RAPGEF4: variants seen among roughly 807,000 people sequenced by gnomAD.
RAPGEF4 encodes the protein RAP guanine-nucleotide-exchange factor (GEF) 4.
RAPGEF4 carries 66 observed loss-of-function variants against 147.9 expected under a neutral mutation model. The observed-to-expected ratio is 0.45, with a 90% CI of 0.37 to 0.55. The LOEUF (loss-of-function observed/expected upper bound fraction) is 0.55. Ranked by LOEUF, RAPGEF4 falls within the 20% of genes least tolerant of loss-of-function variation. The probability of loss-of-function intolerance (pLI) is 0.00; values close to 1 mark genes in which losing one functional copy is unlikely to be tolerated. For synonymous variants in RAPGEF4, 419 were observed against 442.7 expected (o/e 0.95, Z 0.67); for missense variants, 1,071 against 1,257.3 (o/e 0.85, Z 2.24).
At chr2:172,864,533 T>C (rs912128706) in intron 4 of RAPGEF4, among the ~76,000 whole-genome samples, 1 of 152,192 alleles carries the variant, frequency 6.6e-6, no homozygotes, top group Non-Finnish European at 1.5e-5. Context: ...TCCTTCCCTG[T>C]TCAGTTTGGA....
chr2:172,963,399 G>A (rs774529671), intron 8 of RAPGEF4, among the ~76,000 whole-genome samples: 1 of 152,180 alleles, frequency 6.6e-6, no homozygotes, highest in Non-Finnish European at 1.5e-5. Flanking sequence ...ATCTCATATG[G>A]TTAAAGGAAC....
intron 6 of RAPGEF4, among the ~76,000 whole-genome samples, chr2:172,925,799 A>AGAGAGAGAGAGAG (rs1559124625): frequency 4.6e-5 from 6 of 131,858 alleles, no homozygotes; most frequent in Non-Finnish European, 1.7e-5. Context: ...GAGAGAGAGA[A>AGAGAGAGAGAGAG]AGAAAGAAAG....
chr2:172,879,629 C>T (rs538808358), intron 4 of RAPGEF4, among the ~76,000 whole-genome samples: 32 of 152,106 alleles, frequency 2.1e-4, no homozygotes, highest in African/African-American at 7.2e-4. Context: ...GGCAAGACCC[C>T]GTCTCTACAA....
intron 4 of RAPGEF4, among the ~76,000 whole-genome samples, chr2:172,817,905 A>T (rs1418171470): frequency 8.4e-6 from 1 of 118,824 alleles, no homozygotes; most frequent in Non-Finnish European, 1.9e-5. Flanking sequence ...TATCACAATT[A>T]TATATATATA....
In RAPGEF4 at chr2:172,742,810, G is replaced by A. The variant is rs549355688; in HGVS notation, c.65+6762G>A. 2.4e-4 allele frequency among the ~76,000 whole-genome samples: 37 copies of A among 152,314 alleles called. No individual in the cohort carries two copies. In the South Asian group the frequency reaches 7.5e-3, roughly 31 times the overall value. ...GGACTCCCTCAGACTGGGGATACAT[G>A]TAGGATTGGTGTGCTCAATCCACAC... On this transcript the variant is annotated intron_variant, in intron 1 of 30. Transcript: ENST00000397081.
intron 4 of RAPGEF4, among the ~76,000 whole-genome samples, chr2:172,859,463 C>G (rs1320139902): frequency 6.6e-6 from 1 of 152,174 alleles, no homozygotes; most frequent in African/African-American, 2.4e-5. Flanking sequence ...TTAAATACAG[C>G]CTTTAGCTCC....
Position 172,985,574 on chromosome 2 carries a change from G to T in RAPGEF4, c.1150+81G>T. ...TGCCACGGGAAGCCAGGCTGCTAAC[G>T]CCTCACTTCTTGGCCCCGGGTCTGG... is the stretch of plus-strand genomic sequence containing the variant. On this transcript the variant is annotated intron_variant, in intron 12 of 30. Transcript: ENST00000397081. 5 of 1,565,432 alleles carry T rather than the reference G, an allele frequency of 3.2e-6. No homozygotes were observed. In the South Asian group the frequency reaches 6.0e-5, roughly 19 times the overall value.
intron 10 of RAPGEF4, among the ~76,000 whole-genome samples, chr2:172,982,603 A>C (rs889553790): frequency 2.0e-5 from 3 of 152,192 alleles, no homozygotes; most frequent in South Asian, 2.1e-4. Context: ...TAGATACGAA[A>C]AGTGATTAGG....
At chr2:172,774,343 G>A (rs570842646) in intron 1 of RAPGEF4, among the ~76,000 whole-genome samples, 1 of 152,246 alleles carries the variant, frequency 6.6e-6, no homozygotes, top group Non-Finnish European at 1.5e-5. Flanking sequence ...GCAGAATAAA[G>A]TCTGTGCCTG....
At chr2:173,001,113 A>G (rs1420821362) in intron 16 of RAPGEF4, among the ~76,000 whole-genome samples, 153 bp from the exon 17 acceptor site, 1 of 152,114 alleles carries the variant, frequency 6.6e-6, no homozygotes, top group Non-Finnish European at 1.5e-5. Flanking sequence ...TGTCAACACC[A>G]TTATTTATAT....
chr2:172,755,129 G>T (rs533475070), intron 1 of RAPGEF4, among the ~76,000 whole-genome samples: 1 of 152,292 alleles, frequency 6.6e-6, no homozygotes, highest in South Asian at 2.1e-4. Context: ...TCTGGGATGT[G>T]CTTGCTGATG....
chr2:172,855,184 A>T (rs1693280185), intron 4 of RAPGEF4, among the ~76,000 whole-genome samples: 1 of 152,010 alleles, frequency 6.6e-6, no homozygotes, highest in Non-Finnish European at 1.5e-5. Context: ...TAATTTTTCC[A>T]TTGGCTTTTC....
intron 4 of RAPGEF4, among the ~76,000 whole-genome samples, chr2:172,846,223 C>A (rs1353265579): frequency 1.3e-5 from 2 of 152,172 alleles, no homozygotes; most frequent in East Asian, 3.8e-4. Context: ...AATCAGATCT[C>A]TCATGCCTAT....
chr2:172,937,923 C>T (rs1309499450), intron 6 of RAPGEF4, among the ~76,000 whole-genome samples: 2 of 152,110 alleles, frequency 1.3e-5, no homozygotes, highest in Non-Finnish European at 2.9e-5. Context: ...AGCTCTTTCC[C>T]TTGGCTCCTG....
chr2:172,840,238 T>C (rs1386532487), intron 4 of RAPGEF4, among the ~76,000 whole-genome samples: 1 of 152,166 alleles, frequency 6.6e-6, no homozygotes, highest in Non-Finnish European at 1.5e-5. Flanking sequence ...GGTTTAGAGG[T>C]TCTGAGCCAG....
intron 3 of RAPGEF4, among the ~76,000 whole-genome samples, chr2:172,805,610 T>A (rs940441461): frequency 6.6e-5 from 10 of 152,094 alleles, no homozygotes; most frequent in Non-Finnish European, 1.5e-4. Flanking sequence ...TCCTAAGGTG[T>A]CCCAACCTGG....
chr2:172,870,753 A>G (rs1695154481), intron 4 of RAPGEF4, among the ~76,000 whole-genome samples: 1 of 152,146 alleles, frequency 6.6e-6, no homozygotes, highest in South Asian at 2.1e-4. Flanking sequence ...TCCTATTTCA[A>G]ATATGACTTT....
chr2:172,741,718 C>T (rs1367032383), intron 1 of RAPGEF4, among the ~76,000 whole-genome samples: 2 of 152,214 alleles, frequency 1.3e-5, no homozygotes, highest in African/African-American at 4.8e-5. Context: ...GTCACCCAGG[C>T]TGGAAGGCAG....
At chr2:172,899,462 G>T (rs2149950739) in intron 4 of RAPGEF4, among the ~76,000 whole-genome samples, 1 of 152,348 alleles carries the variant, frequency 6.6e-6, no homozygotes, top group Non-Finnish European at 1.5e-5. Context: ...AACATTAAAG[G>T]TTGGATATAC....
Sources: allele counts gnomAD v4.1 joint callset (sites outside exome capture counted in the v4.1 genomes callset), GRCh38; gene constraint gnomAD v4.1.1; transcripts MANE v1.5; gene names NCBI Gene and HGNC (gene_info 2026-07-23, HGNC 2026-07-21).